GK: variants seen among roughly 807,000 people sequenced by gnomAD.
GK encodes the protein ATP:glycerol 3-phosphotransferase.
Under a neutral mutation model 56.4 loss-of-function variants are expected in GK, and 9 were observed. The ratio of observed to expected loss-of-function variants is 0.16; its 90% CI spans 0.10 to 0.28. The LOEUF is 0.28. GK is among the 10% of genes least tolerant of loss of function. The pLI is 1.00. For synonymous variants in GK, 104 were observed against 144.1 expected (o/e 0.72, Z 1.99); for missense variants, 161 against 431.4 (o/e 0.37, Z 5.55).
chrX:30,670,533 A>C lies in GK; in HGVS notation c.259+2415A>C, dbSNP rs1181414340. 6.3e-5 allele frequency among the ~76,000 whole-genome samples: 7 copies of C among 111,295 alleles called. No individual in the cohort carries two copies. The South Asian group carries it at 2.2e-3, about 36-fold the overall frequency. ...CTGACCCAGCACTTCCATCTGTACA[A>C]CTACCATCCTCTGGCCACAGAAGAG... On this transcript the variant is annotated intron_variant, in intron 3 of 20. Coordinates refer to ENST00000427190, the MANE Select transcript of GK (RefSeq NM_001205019.2).
intron 13 of GK, among the ~76,000 whole-genome samples, chrX:30,712,955 C>T (rs1055007810): frequency 9.1e-6 from 1 of 110,239 alleles, no homozygotes; most frequent in Non-Finnish European, 1.9e-5. Flanking sequence ...AGGATGGTCT[C>T]GATCTCCTGA....
chrX:30,696,710 A>C (rs1024270914), intron 8 of GK, 27 bp downstream of exon 8: 9 of 1,103,302 alleles, frequency 8.2e-6, no homozygotes, highest in Non-Finnish European at 1.1e-5. Context: ...CAAACAAAAA[A>C]CACACCAAAA....
At position 30,720,059 on chromosome X, in the gene GK, T is replaced by C. The variant is rs1207583281; in HGVS notation, c.1200T>C (p.Phe400=). The C allele has an allele frequency of 1.7e-6, 2 of 1,195,706 alleles. No individual in the cohort carries two copies. Among genetic ancestry groups the C allele is most frequent in the Non-Finnish European group, 2.3e-6 (2 of 881,916 alleles). ...TQFTNKCHIA[F]AALEAVCFQT... ...TCACCAATAAATGCCATATTGCTTT[T>C]GCTGCATTAGAAGCTGTTTGTTTCC... Residue 400 remains phenylalanine, a synonymous_variant, in exon 16 of 21, where the codon TTT becomes TTC. Transcript: ENST00000427190.
intron 18 of GK, chrX:30,721,469 TTTTTTTTTGTA>T (rs1936902746): frequency 1.6e-5 from 2 of 126,388 alleles, no homozygotes; most frequent in Admixed American, 1.7e-4. Flanking sequence ...TTTTTTTTTT[TTTTTTTTTGTA>T]TTTTTAGTAG....
intron 3 of GK, among the ~76,000 whole-genome samples, chrX:30,673,903 C>T (rs770578648): frequency 4.5e-5 from 5 of 111,135 alleles, no homozygotes; most frequent in Admixed American, 9.6e-5. Flanking sequence ...TCATTGTGAT[C>T]CCATGTTGTA....
intron 9 of GK, 38 bp from the exon 10 acceptor site, chrX:30,700,376 T>C (rs921310424): frequency 3.6e-6 from 4 of 1,124,162 alleles, no homozygotes; most frequent in Non-Finnish European, 4.9e-6. Context: ...AGCCAAAATT[T>C]TGTGACTATT....
At chrX:30,681,123 G>C (rs1208294815) in intron 4 of GK, among the ~76,000 whole-genome samples, 2 of 111,559 alleles carry the variant, frequency 1.8e-5, no homozygotes, top group African/African-American at 6.5e-5. Flanking sequence ...AACAAAACGT[G>C]ACTGAAAAGC....
rs1207965610 is a variant in GK, at chrX:30,719,443, C to T, written c.1079C>T (p.Thr360Ile). 9 of 1,185,702 alleles carry T rather than the reference C, an allele frequency of 7.6e-6. No homozygotes were observed. Among genetic ancestry groups the T allele is most frequent in the Non-Finnish European group, 1.0e-5 (9 of 872,857 alleles). The change falls in exon 15 of 21, where the codon ACT (threonine) becomes ATT (isoleucine). Residue 360 changes from threonine to isoleucine, a missense_variant. Physicochemically the swap from Thr to Ile is moderately conservative, Grantham distance 89. Transcript: ENST00000427190. The stretch of plus-strand genomic sequence containing the variant: ...GAAAAACTTGCTAAAGAAGTAGGTA[C>T]TTCTTATGGCTGCTACTTCGTCCCA... ...EIEKLAKEVG[T>I]SYGCYFVPAF...
At chrX:30,696,735 C>CAA in intron 8 of GK, 52 bp downstream of exon 8, 1 of 891,771 alleles carries the variant, frequency 1.1e-6, no homozygotes, top group Admixed American at 2.4e-5. Context: ...AAAAAACAAA[C>CAA]AAAAAAAAAC....
At chrX:30,664,133 T>G (rs1168500195) in intron 1 of GK, among the ~76,000 whole-genome samples, 17 of 87,178 alleles carry the variant, frequency 2.0e-4, no homozygotes, top group African/African-American at 4.4e-4. Context: ...TAGATCTATA[T>G]ATATTTTATA....
At chrX:30,701,250 A>T (rs991116752) in intron 11 of GK, among the ~76,000 whole-genome samples, 1 of 110,777 alleles carries the variant, frequency 9.0e-6, no homozygotes, top group African/African-American at 3.3e-5. Flanking sequence ...TCTCTACTAA[A>T]AGTACAAAAT....
chrX:30,719,312 G>A, intron 14 of GK, 107 bp from the exon 15 acceptor site: 2 of 528,218 alleles, frequency 3.8e-6, no homozygotes, highest in Non-Finnish European at 3.3e-6. Flanking sequence ...CAATGAATTG[G>A]AAACCAAAAC....
chrX:30,700,819 T>C lies in GK; in HGVS notation c.784-19T>C. 1.9e-6 allele frequency: 2 copies of C among 1,078,959 alleles called. No homozygotes were observed. The highest frequency in any genetic ancestry group is 1.8e-5 in the South Asian group (1 of 54,230). 88.9% of individuals were successfully genotyped at this position (1,078,959 alleles called of 1,213,427 possible). On this transcript the variant is annotated intron_variant, in intron 10 of 20. Transcript: ENST00000427190. ...CTATTGTATTAGTCAGTGTTCTTTATTGTCATTTATACTTTCAGTGTTTAG... is the reference window on the plus strand; with the variant it reads ...CTATTGTATTAGTCAGTGTTCTTTACTGTCATTTATACTTTCAGTGTTTAG...
chrX:30,678,399 A>G (rs995039039), intron 4 of GK, among the ~76,000 whole-genome samples: 2 of 111,903 alleles, frequency 1.8e-5, no homozygotes, highest in Admixed American at 1.9e-4. Flanking sequence ...GTTCTAAATT[A>G]CAATCACTAA....
chrX:30,722,295 A>T (rs920587212), intron 18 of GK, among the ~76,000 whole-genome samples: 5 of 112,602 alleles, frequency 4.4e-5, no homozygotes, highest in African/African-American at 1.6e-4. Context: ...ATATTCTGTC[A>T]TTTTTAACTT....
At chrX:30,671,571 C>A (rs1933509970) in intron 3 of GK, 1 of 111,887 alleles carries the variant, frequency 8.9e-6, no homozygotes, top group Non-Finnish European at 1.9e-5. Context: ...ATAGTCCTAC[C>A]TGACAGTCAT....
At chrX:30,658,136 A>G (rs1291942325) in intron 1 of GK, among the ~76,000 whole-genome samples, 5 of 111,703 alleles carry the variant, frequency 4.5e-5, no homozygotes, top group Non-Finnish European at 9.4e-5. Flanking sequence ...CTGTCCCATC[A>G]TACTTAGAGA....
chrX:30,710,043 C>G (rs1254383034), intron 13 of GK, among the ~76,000 whole-genome samples: 1 of 111,885 alleles, frequency 8.9e-6, no homozygotes, highest in East Asian at 2.8e-4. Flanking sequence ...TTATGTAATG[C>G]TTTTAGATGC....
intron 11 of GK, among the ~76,000 whole-genome samples, chrX:30,702,379 A>G (rs571479112): frequency 2.7e-5 from 3 of 112,614 alleles, no homozygotes; most frequent in East Asian, 5.5e-4. Flanking sequence ...CTACCTGCCA[A>G]TTATACGTAT....
Sources: gnomAD v4.1 joint callset for allele counts (sites outside exome capture counted in the v4.1 genomes callset) on GRCh38, gnomAD v4.1.1 for gene constraint, MANE v1.5 for transcripts, NCBI Gene and HGNC (gene_info 2026-07-23, HGNC 2026-07-21) for gene names.